SNRNP35: variants seen among roughly 807,000 people sequenced by gnomAD.
The protein encoded by SNRNP35 is small nuclear ribonucleoprotein U11/U12 subunit 35.
In SNRNP35, 16 loss-of-function variants were observed where a neutral mutation model predicts 24.3. The ratio of observed to expected loss-of-function variants is 0.66; its 90% confidence interval spans 0.45 to 1.00. The LOEUF is 1.00. Ranked by LOEUF, SNRNP35 falls within the 50% of genes least tolerant of loss-of-function variation. The pLI is 0.00. For synonymous variants in SNRNP35, 106 were observed against 124.8 expected (o/e 0.85, Z 1.00); for missense variants, 292 against 327.2 (o/e 0.89, Z 0.83).
In SNRNP35 at chr12:123,466,108, C is replaced by G. The variant is rs774192187; in HGVS notation, c.568C>G (p.Arg190Gly). The change falls in exon 2 of 2, where the codon CGA (arginine) becomes GGA (glycine). Residue 190 changes from arginine to glycine, a missense_variant. Transcript: ENST00000526639. ...GGAAAGGCGGGAGCGATCTCGATCC[C>G]GAGAAAGACACTGGGACTCGAGGAC... ...KRERRERSRS[R>G]ERHWDSRTRD... 1 of 1,611,738 alleles carries G rather than the reference C, an allele frequency of 6.2e-7. No individual in the cohort carries two copies. The highest frequency in any genetic ancestry group is 1.3e-5 in the African/African-American group (1 of 74,632).
intron 1 of SNRNP35, among the ~76,000 whole-genome samples, chr12:123,461,783 G>T: frequency 6.7e-6 from 1 of 150,228 alleles, no homozygotes; most frequent in South Asian, 2.1e-4. Context: ...GTGCAGTGGC[G>T]CAATTTCAGC....
rs762572028 is a variant in SNRNP35, at chr12:123,465,818, G to GCTA, written c.280_282dup (p.Tyr94dup). 8 of 1,614,082 alleles carry GCTA rather than the reference G, an allele frequency of 5.0e-6. No individual in the cohort carries two copies. The highest frequency in any genetic ancestry group is 6.8e-6 in the Non-Finnish European group (8 of 1,180,010). On this transcript the variant is annotated inframe_insertion, in exon 2 of 2. Coordinates refer to ENST00000526639, the MANE Select transcript of SNRNP35 (RefSeq NM_022717.4). This position sits in a 1 kb window ranked among gnomAD's most constrained non-coding sequence, Gnocchi z 4.2. ...GACTTGGTCACAGGTTTTTCAAAGG[G>GCTA]CTACGCCTTCATCGAATACAAGGAG...
intron 1 of SNRNP35, among the ~76,000 whole-genome samples, chr12:123,463,795 C>T (rs1317637963): frequency 2.7e-5 from 4 of 150,410 alleles, no homozygotes; most frequent in East Asian, 2.0e-4. Context: ...GACAGAGCCT[C>T]GCTTTGTTGC....
In SNRNP35 at chr12:123,461,064, T is replaced by G. The variant is rs192836217; in HGVS notation, c.-4+2848T>G. Reference sequence around the variant, plus strand: ...TCCTGGGCTCAAGGGATCCTCCCATTTTGGCCTCTCAAAGTGCTGGGATTA... The same window carrying G: ...TCCTGGGCTCAAGGGATCCTCCCATGTTGGCCTCTCAAAGTGCTGGGATTA... On this transcript the variant is annotated intron_variant, in intron 1 of 1. Transcript: ENST00000526639. Among the ~76,000 whole-genome samples, 3 of 151,026 alleles carry G rather than the reference T, an allele frequency of 2.0e-5. No homozygotes were observed. The Admixed American group carries it at 2.0e-4, about 10-fold the overall frequency.
Position 123,465,941 on chromosome 12 carries a change from G to A in SNRNP35, c.401G>A (p.Gly134Glu), listed in dbSNP as rs1433691622. ...VDYELERTLK[G>E]WIPRRLGGGL... ...TACGAGCTGGAAAGGACTCTCAAAG[G>A]GTGGATCCCTCGGCGACTTGGAGGC... The change falls in exon 2 of 2, where the codon GGG (glycine) becomes GAG (glutamate). Residue 134 changes from glycine (G) to glutamate (E), a missense_variant. Transcript: ENST00000526639. The surrounding 1 kb of genome is among the most constrained non-coding windows in gnomAD (Gnocchi z 4.2). 1.2e-6 allele frequency: 2 copies of A among 1,613,854 alleles called. No individual in the cohort carries two copies. Among genetic ancestry groups the A allele is most frequent in the African/African-American group, 2.7e-5 (2 of 74,872 alleles).
chr12:123,462,787 C>A (rs1033883908), intron 1 of SNRNP35, among the ~76,000 whole-genome samples: 4 of 151,648 alleles, frequency 2.6e-5, no homozygotes, highest in Non-Finnish European at 5.9e-5. Context: ...TCGTGCCCGG[C>A]CTAGTGTCAG....
chr12:123,472,557 T>C (rs1881258765), exon 2 of SNRNP35: 1 of 1,552,280 alleles, frequency 6.4e-7, no homozygotes, highest in Non-Finnish European at 8.7e-7. Flanking sequence ...CTGCAGGGCT[T>C]CCTGTCCTTG....
At chr12:123,472,137 A>G (rs779220509) in exon 2 of SNRNP35, 2 of 181,004 alleles carry the variant, frequency 1.1e-5, no homozygotes, top group Non-Finnish European at 2.4e-5. Flanking sequence ...CTGCTGAACT[A>G]TGTCACCTGT....
intron 1 of SNRNP35, chr12:123,459,788 A>G: frequency 6.6e-7 from 1 of 1,520,558 alleles, no homozygotes; most frequent in Middle Eastern, 1.7e-4. Context: ...CTTTGTCTCG[A>G]GTAAAAAAAG....
Position 123,466,425 on chromosome 12 carries a change from C to A in SNRNP35, c.*144C>A. On this transcript the variant is annotated 3_prime_UTR_variant, in exon 2 of 2. Transcript: ENST00000526639. ...GAATAGTTTTCTTTCCAATCTGGAA[C>A]TTCGGTTCAAGCTGATAGGAATTTA... 1 of 835,906 alleles carries A rather than the reference C, an allele frequency of 1.2e-6. No homozygotes were observed. The highest frequency in any genetic ancestry group is 1.8e-6 in the Non-Finnish European group (1 of 554,650). The allele number at this position is 835,906 out of a possible 1,614,324, so 51.8% of individuals were successfully genotyped here. A position where few individuals can be genotyped will look rare whatever the true frequency, so the allele number is the denominator to read the frequency against.
rs1224935134 is a variant in SNRNP35 at position 123,463,426 on chromosome 12, G to A, written c.-3-2112G>A. Among the ~76,000 whole-genome samples the A allele has an allele frequency of 7.6e-4, 115 of 151,688 alleles. 3 individuals are homozygous for A. The highest frequency in any genetic ancestry group is 1.6e-4 in the Non-Finnish European group (11 of 67,962). On this transcript the variant is annotated intron_variant, in intron 1 of 1. Transcript: ENST00000526639. ...AGACTCTCGCTCTGTCACCCAGGCT[G>A]GAGTGCGGTGATGCGACCTCGGCTC...
Position 123,465,533 on chromosome 12 carries a change from C to T in SNRNP35, c.-3-5C>T. On this transcript the variant is annotated splice_region_variant and splice_polypyrimidine_tract_variant and intron_variant, in intron 1 of 1. Coordinates refer to ENST00000526639, the MANE Select transcript of SNRNP35 (RefSeq NM_022717.4). This position sits in a 1 kb window ranked among gnomAD's most constrained non-coding sequence, Gnocchi z 4.2. ...TCCATCCACGCTTGCTCTTATCATT[C>T]ATAGAACATGAACGATTGGATGCCC... 6.5e-7 allele frequency: 1 copy of T among 1,536,192 alleles called. No individual in the cohort carries two copies.
exon 2 of SNRNP35, chr12:123,472,075 C>T: frequency 6.0e-6 from 1 of 168,008 alleles, no homozygotes; most frequent in Non-Finnish European, 1.3e-5. Context: ...TAATACGTTA[C>T]CATCACAATT....
chr12:123,470,454 CAG>C, downstream of SNRNP35: 1 of 121,994 alleles, frequency 8.2e-6, no homozygotes, highest in South Asian at 2.9e-4. Flanking sequence ...GCCTAGGTGA[CAG>C]AGTGAGACCC....
At chr12:123,468,801 G>T (rs975282506), downstream of SNRNP35, among the ~76,000 whole-genome samples, 1 of 152,200 alleles carries the variant, frequency 6.6e-6, no homozygotes, top group Non-Finnish European at 1.5e-5. Flanking sequence ...AGCCTCCATG[G>T]TAGGGACTTT....
chr12:123,473,013 GTTTC>G (rs1277289950), exon 2 of SNRNP35: 2 of 245,872 alleles, frequency 8.1e-6, no homozygotes, highest in African/African-American at 4.4e-5. Context: ...CAAATCTTGG[GTTTC>G]TTTAATTACC....
At chr12:123,460,389 T>TTG (rs542428093) in intron 1 of SNRNP35, among the ~76,000 whole-genome samples, 62 of 152,108 alleles carry the variant, frequency 4.1e-4, no homozygotes, top group African/African-American at 1.4e-3. Context: ...GGCTGCCTTT[T>TTG]TGTGTCTGAC....
chr12:123,466,013 G>T lies in SNRNP35; in HGVS notation c.473G>T (p.Arg158Leu). The change falls in exon 2 of 2, where the codon CGG becomes CTG. Residue 158 changes from arginine to leucine, a missense_variant. Transcript: ENST00000526639. ...TCTGGGCAACTGAGATTTGGGGGAC[G>T]GGACCGGCCTTTTCGAAAACCTATT... ...KESGQLRFGG[R>L]DRPFRKPINL... 6.2e-7 allele frequency: 1 copy of T among 1,614,124 alleles called. No homozygotes were observed. Among genetic ancestry groups the T allele is most frequent in the South Asian group, 1.1e-5 (1 of 91,076 alleles).
At chr12:123,470,750 CT>C (rs1881153493), downstream of SNRNP35, 1 of 152,126 alleles carries the variant, frequency 6.6e-6, no homozygotes, top group African/African-American at 2.4e-5. Flanking sequence ...TGCCACTATA[CT>C]TTGGCTTGGG....
Sources: gnomAD v4.1 joint callset for allele counts (sites outside exome capture counted in the v4.1 genomes callset) on GRCh38, gnomAD v4.1.1 for gene constraint, Gnocchi (gnomAD v3.1) non-coding constraint, MANE v1.5 for transcripts, NCBI Gene and HGNC (gene_info 2026-07-23, HGNC 2026-07-21) for gene names.